RHOT1: variants seen among roughly 807,000 people sequenced by gnomAD.
The protein encoded by RHOT1 is ras homolog family member T1, also known as mitochondrial Rho GTPase 1.
RHOT1 carries 27 observed loss-of-function variants against 95.3 expected under a neutral mutation model. The observed-to-expected ratio is 0.28, with a 90% CI of 0.21 to 0.39. The LOEUF is 0.39. RHOT1 is among the 10% of genes least tolerant of loss of function. The probability of loss-of-function intolerance (pLI) is 1.00; values close to 1 mark genes in which losing one functional copy is unlikely to be tolerated. For missense variants in RHOT1, 578 were observed against 786.7 expected, an observed-to-expected ratio of 0.73 and a Z score of 3.17; for synonymous variants, 227 against 263.5, an observed-to-expected ratio of 0.86 and a Z score of 1.34.
chr17:32,142,656 G>A lies in RHOT1; in HGVS notation c.-37G>A. 4 of 1,517,570 alleles carry A rather than the reference G, an allele frequency of 2.6e-6. No individual in the cohort carries two copies. Among genetic ancestry groups the A allele is most frequent in the Non-Finnish European group, 3.5e-6 (4 of 1,134,542 alleles). 94.0% of individuals were successfully genotyped at this position (1,517,570 alleles called of 1,614,324 possible). A position where few individuals can be genotyped will look rare whatever the true frequency, so the allele number is the denominator to read the frequency against. On this transcript the variant is annotated 5_prime_UTR_variant, in exon 1 of 20. Transcript: ENST00000545287. ...TCCTGGTGAGAGGAGTCCACTCCGT[G>A]CGTGCGGGCGGAGGCCGGCCCCCGA...
intron 13 of RHOT1, among the ~76,000 whole-genome samples, chr17:32,199,780 C>T (rs1348997567): frequency 6.6e-6 from 1 of 152,026 alleles, no homozygotes; most frequent in Non-Finnish European, 1.5e-5. Context: ...AGTAGTAAGT[C>T]TTTGAAAATT....
In RHOT1 at chr17:32,199,463, A is replaced by T. The variant is rs763710386; in HGVS notation, c.1013A>T (p.Tyr338Phe). The T allele has an allele frequency of 2.5e-6, 4 of 1,613,296 alleles. No homozygotes were observed. The Admixed American group carries it at 6.7e-5, about 27-fold the overall frequency. Residue 338 changes from tyrosine to phenylalanine, a missense_variant, in exon 13 of 20, where the codon TAC becomes TTC. Physicochemically the swap from Tyr to Phe is conservative, Grantham distance 22. Coordinates refer to ENST00000545287, the MANE Select transcript of RHOT1 (RefSeq NM_001033566.3). Reference protein sequence around the residue: ...ELKDLFKVFPYIPWGPDVNNT... With the variant: ...ELKDLFKVFPFIPWGPDVNNT... ...AAAGATTTATTTAAAGTTTTCCCTT[A>T]CATACCTTGGGGGCCAGATGTGAAT...
chr17:32,218,088 C>T (rs1340274474), intron 19 of RHOT1, among the ~76,000 whole-genome samples: 3 of 151,956 alleles, frequency 2.0e-5, no homozygotes. Context: ...ATCTCGAACT[C>T]CTAACCTCAT....
At chr17:32,158,315 C>T (rs1349693441) in intron 1 of RHOT1, among the ~76,000 whole-genome samples, 3 of 152,176 alleles carry the variant, frequency 2.0e-5, no homozygotes, top group African/African-American at 7.2e-5. Context: ...TAATACCCTG[C>T]ATGTTCTAGT....
intron 18 of RHOT1, chr17:32,209,617 G>A: frequency 2.0e-6 from 1 of 492,586 alleles, no homozygotes; most frequent in South Asian, 2.6e-5. Flanking sequence ...CTACATAAAT[G>A]TACTTCTTTA....
At position 32,204,720 on chromosome 17, in the gene RHOT1, G is replaced by T. The variant is rs1002319722; in HGVS notation, c.1416+747G>T. Among the ~76,000 whole-genome samples the T allele has an allele frequency of 4.6e-5, 7 of 151,880 alleles. No individual in the cohort carries two copies. The South Asian group carries it at 6.2e-4, about 14-fold the overall frequency. ...TGAGAAAAATGGGTTAGGCATGGTG[G>T]CTCACGCCTGTAATCCCAACACTTT... On this transcript the variant is annotated intron_variant, in intron 16 of 19. Transcript: ENST00000545287.
chr17:32,209,080 T>G (rs987605350), intron 18 of RHOT1: 2 of 189,430 alleles, frequency 1.1e-5, no homozygotes, highest in African/African-American at 4.7e-5. Context: ...ATTATTTTTC[T>G]TCTTATGAAA....
chr17:32,200,924 C>CT (rs1299167697), intron 13 of RHOT1, 32 bp from the exon 14 acceptor site: 1 of 1,502,096 alleles, frequency 6.7e-7, no homozygotes, highest in Non-Finnish European at 9.2e-7. Flanking sequence ...CGTTTAGGAA[C>CT]TTTTCACATT....
At chr17:32,203,374 T>C (rs2142858128) in intron 15 of RHOT1, among the ~76,000 whole-genome samples, 1 of 150,468 alleles carries the variant, frequency 6.6e-6, no homozygotes, top group East Asian at 2.0e-4. Flanking sequence ...CACCTGGGCT[T>C]AGGTGATCCT....
In RHOT1 at chr17:32,214,976, G is replaced by A. The variant is rs376142643; in HGVS notation, c.1862+3738G>A. On this transcript the variant is annotated intron_variant, in intron 19 of 19. Coordinates refer to ENST00000545287, the MANE Select transcript of RHOT1 (RefSeq NM_001033566.3). ...GGCGGGAGTGCAGTGGCATGATCTC[G>A]GCTCACTGCAACCTCCACCTCCCAG... Among the ~76,000 whole-genome samples, 12 of 133,126 alleles carry A rather than the reference G, an allele frequency of 9.0e-5. No homozygotes were observed. In the East Asian group the frequency reaches 1.6e-3, roughly 17 times the overall value. The allele number at this position is 133,126 out of a possible 152,430, so 87.3% of individuals were successfully genotyped here.
chr17:32,166,152 C>T (rs2034061153), intron 1 of RHOT1, among the ~76,000 whole-genome samples: 1 of 147,958 alleles, frequency 6.8e-6, no homozygotes, highest in Non-Finnish European at 1.5e-5. Context: ...TGTGCCACTG[C>T]ACTCCAGCTT....
intron 17 of RHOT1, 30 bp from the exon 18 acceptor site, chr17:32,208,077 C>T: frequency 6.3e-7 from 1 of 1,581,928 alleles, no homozygotes; most frequent in Non-Finnish European, 8.7e-7. Context: ...AACTTGTTAT[C>T]AGATTTTGAT....
chr17:32,214,894 C>CTTTTTTTTT (rs551151153), intron 19 of RHOT1, among the ~76,000 whole-genome samples: 1 of 52,836 alleles, frequency 1.9e-5, no homozygotes, highest in Admixed American at 2.2e-4. Context: ...AAAGGCTTGT[C>CTTTTTTTTT]TTTTTTTTTT....
intron 1 of RHOT1, among the ~76,000 whole-genome samples, chr17:32,166,345 G>C (rs2034086405): frequency 6.6e-6 from 1 of 152,124 alleles, no homozygotes. Context: ...CCTTTTTGCT[G>C]GTGGAGAGTC....
At position 32,183,147 on chromosome 17, in the gene RHOT1, G is replaced by C. The variant is rs376383065; in HGVS notation, c.439-24G>C. The C allele has an allele frequency of 2.6e-6, 4 of 1,523,392 alleles. No homozygotes were observed. In the Admixed American group the frequency reaches 5.4e-5, roughly 21 times the overall value. The allele number at this position is 1,523,392 out of a possible 1,614,324, so 94.4% of individuals were successfully genotyped here. A position where few individuals can be genotyped will look rare whatever the true frequency, so the allele number is the denominator to read the frequency against. On this transcript the variant is annotated intron_variant, in intron 7 of 19. Transcript: ENST00000545287. Reference sequence around the variant, plus strand: ...TTTTTAGCTCTCATAATTGATTTCAGAGTGTAAAATTTTATTTTTTCAGTG... The same window carrying C: ...TTTTTAGCTCTCATAATTGATTTCACAGTGTAAAATTTTATTTTTTCAGTG...
chr17:32,209,618 T>C, intron 18 of RHOT1: 1 of 496,042 alleles, frequency 2.0e-6, no homozygotes, highest in South Asian at 2.6e-5. Context: ...TACATAAATG[T>C]ACTTCTTTAA....
intron 18 of RHOT1, chr17:32,208,569 AC>A (rs1010899864): frequency 2.7e-5 from 9 of 338,632 alleles, no homozygotes; most frequent in Non-Finnish European, 4.3e-5. Context: ...ATAAAACACA[AC>A]CCCCCACCCA....
chr17:32,205,509 A>C (rs1453532840), intron 16 of RHOT1, among the ~76,000 whole-genome samples: 1 of 152,272 alleles, frequency 6.6e-6, no homozygotes, highest in Non-Finnish European at 1.5e-5. Flanking sequence ...CAAATATGTT[A>C]GCCTTAAAAA....
At chr17:32,147,735 A>C (rs1370090780) in intron 1 of RHOT1, among the ~76,000 whole-genome samples, 1 of 151,566 alleles carries the variant, frequency 6.6e-6, no homozygotes, top group African/African-American at 2.4e-5. Context: ...CAGGAGAATC[A>C]CTTGAACCCA....
Sources: gnomAD v4.1 joint callset for allele counts (sites outside exome capture counted in the v4.1 genomes callset) on GRCh38, gnomAD v4.1.1 for gene constraint, MANE v1.5 for transcripts, NCBI Gene and HGNC (gene_info 2026-07-23, HGNC 2026-07-21) for gene names.